RBL2: variants seen among roughly 807,000 people sequenced by gnomAD.
RBL2 encodes RB transcriptional corepressor like 2.
RBL2 carries 56 observed loss-of-function variants against 126.0 expected under a neutral mutation model. The ratio of observed to expected loss-of-function variants is 0.44; its 90% CI spans 0.36 to 0.56. The LOEUF is 0.56. Among genes scored for constraint, RBL2 ranks in the 20% least tolerant of loss-of-function variants. The pLI is 0.00. For synonymous variants in RBL2, 454 were observed against 478.5 expected, an observed-to-expected ratio of 0.95 and a Z score of 0.67; for missense variants, 1,229 against 1,398.2, an observed-to-expected ratio of 0.88 and a Z score of 1.93.
chr16:53,478,173 CTG>C (rs1401159595), intron 17 of RBL2, among the ~76,000 whole-genome samples: 15 of 152,228 alleles, frequency 9.9e-5, no homozygotes, highest in African/African-American at 3.4e-4. Context: ...CTCCTGGCCT[CTG>C]TAGTTTCTGA....
At chr16:53,459,007 A>G (rs552448920) in intron 8 of RBL2, among the ~76,000 whole-genome samples, 16 of 152,232 alleles carry the variant, frequency 1.1e-4, no homozygotes, top group East Asian at 7.7e-4. Context: ...TTTAATCACA[A>G]TTTTCTTTTA....
chr16:53,487,109 G>T (rs1387824147), intron 21 of RBL2, among the ~76,000 whole-genome samples: 1 of 152,164 alleles, frequency 6.6e-6, no homozygotes, highest in Non-Finnish European at 1.5e-5. Context: ...TCCAATTCAT[G>T]GAAAATAAAA....
Position 53,470,002 on chromosome 16 carries a change from A to G in RBL2, c.2062A>G (p.Ser688Gly). The change falls in exon 15 of 22, where the codon AGC (serine) becomes GGC (glycine). Residue 688 changes from serine (S) to glycine (G), a missense_variant. Physicochemically the swap from Ser to Gly is moderately conservative, Grantham distance 56. This residue lies in a region of RBL2 where 1,070 missense variants were observed against 1,274.3 expected (regional missense o/e 0.84). Coordinates refer to ENST00000262133, the MANE Select transcript of RBL2 (RefSeq NM_005611.4). ...AAGGCGGCTATTTGTTGAGAATGAT[A>G]GCCCCTCTGATGGAGGGACGCCTGG... ...TRRRLFVENDSPSDGGTPGRM... is the reference protein window; with the variant it reads ...TRRRLFVENDGPSDGGTPGRM... 6.2e-7 allele frequency: 1 copy of G among 1,614,178 alleles called. No individual in the cohort carries two copies. The highest frequency in any genetic ancestry group is 8.5e-7 in the Non-Finnish European group (1 of 1,179,988).
At chr16:53,446,250 C>T (rs2058061025) in intron 3 of RBL2, among the ~76,000 whole-genome samples, 1 of 152,186 alleles carries the variant, frequency 6.6e-6, no homozygotes, top group African/African-American at 2.4e-5. Flanking sequence ...ACATTTAATC[C>T]TTGCCATGGA....
chr16:53,483,926 TAAA>T (rs77395902), intron 21 of RBL2, among the ~76,000 whole-genome samples: 108 of 130,976 alleles, frequency 8.2e-4, no homozygotes, highest in Non-Finnish European at 1.4e-3. Context: ...CCTATCATAG[TAAA>T]AAAAAAAAAA....
At chr16:53,436,408 G>A (rs2057959131) in intron 1 of RBL2, among the ~76,000 whole-genome samples, 2 of 152,136 alleles carry the variant, frequency 1.3e-5, no homozygotes, top group African/African-American at 2.4e-5. Flanking sequence ...TTTGATTACT[G>A]AGACTTTAGT....
intron 7 of RBL2, among the ~76,000 whole-genome samples, chr16:53,453,991 T>C (rs945935193): frequency 6.6e-6 from 1 of 152,208 alleles, no homozygotes; most frequent in African/African-American, 2.4e-5. Flanking sequence ...GGATTATAAA[T>C]TTTGAAATAA....
At position 53,457,258 on chromosome 16, in the gene RBL2, C is replaced by CTTTTTTTTTTTTTTTTTTTTT. The variant is rs756763534; in HGVS notation, c.1180-2174_1180-2173insTTTTTTTTTTTTTTTTTTTTT. Reference sequence around the variant, plus strand: ...GGGTCATCAGGGTGGGTACAGATAGCTTTTTTTTTTTTTTTTTTTGAGATG... The same window carrying CTTTTTTTTTTTTTTTTTTTTT: ...GGGTCATCAGGGTGGGTACAGATAGCTTTTTTTTTTTTTTTTTTTTTTTTTTTTTTTTTTTTTTTTGAGATG... On this transcript the variant is annotated intron_variant, in intron 8 of 21. Transcript: ENST00000262133. 4.2e-4 allele frequency among the ~76,000 whole-genome samples: 38 copies of CTTTTTTTTTTTTTTTTTTTTT among 89,926 alleles called. 5 individuals carry two copies. The highest frequency in any genetic ancestry group is 6.6e-4 in the African/African-American group (11 of 16,716). The allele number at this position is 89,926 out of a possible 152,430, so 59.0% of individuals were successfully genotyped here.
At position 53,479,948 on chromosome 16, in the gene RBL2, C is replaced by T; in HGVS notation, c.2838C>T (p.Ser946=). The T allele has an allele frequency of 6.2e-7, 1 of 1,611,542 alleles. No individual in the cohort carries two copies. Among genetic ancestry groups the T allele is most frequent in the Non-Finnish European group, 8.5e-7 (1 of 1,178,326 alleles). ...RKRRNSGSSD[S]RSHQNSPTEL... ...GAAGAAATTCTGGCAGCAGTGATAGCAGAAGCCATCAGAATTCTCCAACAG... is the reference window on the plus strand; with the variant it reads ...GAAGAAATTCTGGCAGCAGTGATAGTAGAAGCCATCAGAATTCTCCAACAG... The change falls in exon 19 of 22, where the codon AGC becomes AGT. Residue 946 remains serine, a synonymous_variant. Transcript: ENST00000262133.
At chr16:53,447,270 A>T (rs2058071255) in intron 4 of RBL2, among the ~76,000 whole-genome samples, 164 bp downstream of exon 4, 1 of 151,816 alleles carries the variant, frequency 6.6e-6, no homozygotes, top group African/African-American at 2.4e-5. Context: ...TCATCAAAGG[A>T]TCTATTGGAT....
At chr16:53,452,336 G>T (rs1320007722) in intron 5 of RBL2, among the ~76,000 whole-genome samples, 1 of 152,110 alleles carries the variant, frequency 6.6e-6, no homozygotes, top group African/African-American at 2.4e-5. Flanking sequence ...TAATTTCTAT[G>T]AATGATAAAC....
At chr16:53,437,028 A>G (rs1036319888) in intron 1 of RBL2, among the ~76,000 whole-genome samples, 1 of 151,996 alleles carries the variant, frequency 6.6e-6, no homozygotes, top group Admixed American at 6.6e-5. Context: ...GGAACGATAT[A>G]GTTGTAAACT....
intron 4 of RBL2, among the ~76,000 whole-genome samples, chr16:53,448,160 ATTTTAT>A (rs149745705): frequency 0.4 from 41,847 of 104,266 alleles, 6,001 homozygotes; most frequent in African/African-American, 0.48. Context: ...AACTTACTTT[ATTTTAT>A]TTTTTTTTTG....
chr16:53,457,145 A>C (rs911212793), intron 8 of RBL2, among the ~76,000 whole-genome samples: 1 of 151,756 alleles, frequency 6.6e-6, no homozygotes, highest in African/African-American at 2.4e-5. Context: ...TAAGCATCCT[A>C]GTAGAGAAGT....
chr16:53,482,373 A>C (rs1960988488), intron 21 of RBL2, among the ~76,000 whole-genome samples: 1 of 152,214 alleles, frequency 6.6e-6, no homozygotes, highest in South Asian at 2.1e-4. Context: ...ATGGAAGGGC[A>C]CTCAGCAGGA....
Position 53,439,165 on chromosome 16 carries a change from G to C in RBL2, c.371+19G>C. ...AGCAGAGGTAACTATGTTAGAGTTTGACAAGTAGAGTATGGCTAATGTAAG... is the reference window on the plus strand; with the variant it reads ...AGCAGAGGTAACTATGTTAGAGTTTCACAAGTAGAGTATGGCTAATGTAAG... On this transcript the variant is annotated intron_variant, in intron 2 of 21. Coordinates refer to ENST00000262133, the MANE Select transcript of RBL2 (RefSeq NM_005611.4). The C allele has an allele frequency of 6.4e-7, 1 of 1,562,866 alleles. No individual in the cohort carries two copies. Among genetic ancestry groups the C allele is most frequent in the Non-Finnish European group, 8.6e-7 (1 of 1,156,820 alleles).
intron 20 of RBL2, chr16:53,481,318 G>T (rs1186723718): frequency 1.0e-4 from 22 of 218,948 alleles, no homozygotes; most frequent in Non-Finnish European, 1.6e-4. Context: ...GGCTACATGG[G>T]TTCAAATTTT....
At chr16:53,439,661 G>A (rs1598085858) in intron 2 of RBL2, among the ~76,000 whole-genome samples, 1 of 152,106 alleles carries the variant, frequency 6.6e-6, no homozygotes, top group Admixed American at 6.6e-5. Context: ...TATCTGTTGT[G>A]TAATTAAATT....
Position 53,491,639 on chromosome 16 carries a change from T to G in RBL2, c.*1339T>G, listed in dbSNP as rs1961468834. The stretch of plus-strand genomic sequence containing the variant: ...ATAAGTGTATTTTTCAATAAAGCAT[T>G]TATAAATTAGCCTTTGTTTGGTTAT... On this transcript the variant is annotated 3_prime_UTR_variant, in exon 22 of 22. Transcript: ENST00000262133. 1 of 152,642 alleles carries G rather than the reference T, an allele frequency of 6.6e-6. No homozygotes were observed. Among genetic ancestry groups the G allele is most frequent in the African/African-American group, 2.4e-5 (1 of 41,454 alleles). 9.5% of individuals were successfully genotyped at this position (152,642 alleles called of 1,614,324 possible).
Sources: gnomAD v4.1 joint callset for allele counts (sites outside exome capture counted in the v4.1 genomes callset) on GRCh38, gnomAD v4.1.1 for gene constraint, gnomAD v4.1.1 regional missense constraint, MANE v1.5 for transcripts, NCBI Gene and HGNC (gene_info 2026-07-23, HGNC 2026-07-21) for gene names.